Variants in INTS10 observed in about 807,000 individuals in gnomAD.
The protein encoded by INTS10 is chromosome 8 open reading frame 35.
A neutral mutation model predicts 94.4 loss-of-function variants in INTS10; 44 were observed. The observed-to-expected ratio is 0.47, with a 90% CI of 0.37 to 0.60. The LOEUF is 0.60. Ranked by LOEUF, INTS10 falls within the 20% of genes least tolerant of loss-of-function variation. INTS10 has a pLI of 0.00. For synonymous variants in INTS10, 341 were observed against 320.7 expected, an observed-to-expected ratio of 1.06 and a Z score of -0.68; for missense variants, 797 against 868.7, an observed-to-expected ratio of 0.92 and a Z score of 1.04.
In INTS10 at chr8:19,851,713, C is replaced by T; in HGVS notation, c.2041C>T (p.Arg681Cys). The T allele has an allele frequency of 3.1e-6, 5 of 1,613,854 alleles. No homozygotes were observed. Among genetic ancestry groups the T allele is most frequent in the South Asian group, 2.2e-5 (2 of 91,068 alleles). Residue 681 changes from arginine to cysteine, a missense_variant, in exon 17 of 17, where the codon CGC (arginine) becomes TGC (cysteine). Arg to Cys is a radical substitution (Grantham distance 180). Around this residue, in one of 3 missense-constraint regions of INTS10, gnomAD observed 47 missense variants for 41.8 expected, o/e 1.12. Transcript: ENST00000397977. This position sits in a 1 kb window ranked among gnomAD's most constrained non-coding sequence, Gnocchi z 5.0. ...VKEDFRLAME[R>C]QVSRCGENLM... ...GGAGGACTTTCGCCTGGCCATGGAG[C>T]GCCAGGTCTCCCGCTGTGGAGAGAA...
intron 13 of INTS10, among the ~76,000 whole-genome samples, chr8:19,838,839 A>C (rs2067882902): frequency 6.6e-6 from 1 of 152,118 alleles, no homozygotes; most frequent in Admixed American, 6.5e-5. Flanking sequence ...TGGGAGGCCG[A>C]GGCAGGAGGA....
intron 14 of INTS10, 22 bp downstream of exon 14, chr8:19,842,949 T>C: frequency 1.4e-6 from 2 of 1,461,156 alleles, no homozygotes; most frequent in Non-Finnish European, 1.9e-6. Flanking sequence ...GTTGATTAGC[T>C]TGAAAAAAAA....
intron 13 of INTS10, among the ~76,000 whole-genome samples, chr8:19,837,965 A>G (rs2067797166): frequency 6.6e-6 from 1 of 152,244 alleles, no homozygotes; most frequent in Non-Finnish European, 1.5e-5. Flanking sequence ...GGAATACATT[A>G]TGAAAAACTT....
intron 12 of INTS10, among the ~76,000 whole-genome samples, 154 bp from the exon 13 acceptor site, chr8:19,836,898 A>G (rs1304099003): frequency 6.6e-6 from 1 of 152,154 alleles, no homozygotes; most frequent in Non-Finnish European, 1.5e-5. Flanking sequence ...TTCTGTATTC[A>G]CTATTGAGCA....
In INTS10 at chr8:19,826,431, A is replaced by G. The variant is rs1018959796; in HGVS notation, c.1012A>G (p.Asn338Asp). ...GTGTTTTTCCCCGTCCTTAGGTCCT[A>G]ATGCCCCGAGCCAAGTTCCACTGGT... ...SIQPSLFQGP[N>D]APSQVPLVLL... The change falls in exon 9 of 17, where the codon AAT becomes GAT. Residue 338 changes from asparagine to aspartate, a missense_variant. This residue lies in a region of INTS10 where 734 missense variants were observed against 787.8 expected (regional missense o/e 0.93). Coordinates refer to ENST00000397977, the MANE Select transcript of INTS10 (RefSeq NM_018142.4). 3 of 1,609,482 alleles carry G rather than the reference A, an allele frequency of 1.9e-6. No individual in the cohort carries two copies. The highest frequency in any genetic ancestry group is 2.5e-6 in the Non-Finnish European group (3 of 1,178,682).
In INTS10 at chr8:19,849,692, G is replaced by GT. The variant is rs1037113413; in HGVS notation, c.1977-1949dup. ...CTGGTATCTAAATAGGCACTAATGTGTTTTTTTTCCTGCTACTGATGTTTT... is the reference window on the plus strand; with the variant it reads ...CTGGTATCTAAATAGGCACTAATGTGTTTTTTTTTCCTGCTACTGATGTTTT... On this transcript the variant is annotated intron_variant, in intron 16 of 16. Transcript: ENST00000397977. This position sits in a 1 kb window ranked among gnomAD's most constrained non-coding sequence, Gnocchi z 4.6. Among the ~76,000 whole-genome samples the GT allele has an allele frequency of 9.2e-5, 14 of 151,838 alleles. No individual in the cohort carries two copies. The highest frequency in any genetic ancestry group is 2.1e-4 in the South Asian group (1 of 4,810).
At chr8:19,847,789 G>C (rs2068702362) in intron 16 of INTS10, among the ~76,000 whole-genome samples, 1 of 152,194 alleles carries the variant, frequency 6.6e-6, no homozygotes, top group South Asian at 2.1e-4. Context: ...GAGAGCAAGG[G>C]GAGTGTTGGG....
rs537940121 is a variant in INTS10 at position 19,849,336 on chromosome 8, A to G, written c.1977-2313A>G. On this transcript the variant is annotated intron_variant, in intron 16 of 16. Coordinates refer to ENST00000397977, the MANE Select transcript of INTS10 (RefSeq NM_018142.4). This position sits in a 1 kb window ranked among gnomAD's most constrained non-coding sequence, Gnocchi z 4.6. ...TCTTCGTTCCTCAGTGCTCTTTTTCATGCTTTCTTTCTTTTTTAATTTGTT... is the reference window on the plus strand; with the variant it reads ...TCTTCGTTCCTCAGTGCTCTTTTTCGTGCTTTCTTTCTTTTTTAATTTGTT... 5 of 408,250 alleles carry G rather than the reference A, an allele frequency of 1.2e-5. No individual in the cohort carries two copies. The highest frequency in any genetic ancestry group is 9.4e-5 in the South Asian group (4 of 42,528). The allele number at this position is 408,250 out of a possible 1,614,324, so 25.3% of individuals were successfully genotyped here.
Position 19,818,489 on chromosome 8 carries a change from C to T in INTS10, c.197+147C>T, listed in dbSNP as rs372801554. On this transcript the variant is annotated intron_variant, in intron 2 of 16. Coordinates refer to ENST00000397977, the MANE Select transcript of INTS10 (RefSeq NM_018142.4). ...AGCAAACCTAGTAAGGAGTCCAGGC[C>T]TGCCATAAATTGCTGACATGGCTTT... is the stretch of plus-strand genomic sequence containing the variant. 34 of 710,262 alleles carry T rather than the reference C, an allele frequency of 4.8e-5. No individual in the cohort carries two copies. The African/African-American group carries it at 5.4e-4, about 11-fold the overall frequency. The allele number at this position is 710,262 out of a possible 1,614,324, so 44.0% of individuals were successfully genotyped here. A position where few individuals can be genotyped will look rare whatever the true frequency, so the allele number is the denominator to read the frequency against.
intron 10 of INTS10, among the ~76,000 whole-genome samples, chr8:19,830,914 C>T (rs929758661): frequency 6.6e-5 from 10 of 152,136 alleles, no homozygotes; most frequent in Non-Finnish European, 1.0e-4. Flanking sequence ...CCACGTGATC[C>T]GCCCACCTTG....
chr8:19,847,664 A>G (rs1436855033), intron 16 of INTS10, among the ~76,000 whole-genome samples: 1 of 152,236 alleles, frequency 6.6e-6, no homozygotes, highest in Non-Finnish European at 1.5e-5. Context: ...TGGATTGTCA[A>G]AAAATCAACA....
intron 4 of INTS10, 69 bp from the exon 5 acceptor site, chr8:19,822,370 C>G: frequency 4.9e-6 from 4 of 824,126 alleles, no homozygotes; most frequent in Non-Finnish European, 8.0e-6. Context: ...AAAAATACCC[C>G]ATTACTTCAT....
At chr8:19,825,469 T>G (rs528912393) in intron 8 of INTS10, among the ~76,000 whole-genome samples, 52 of 150,638 alleles carry the variant, frequency 3.5e-4, no homozygotes, top group African/African-American at 1.2e-3. Flanking sequence ...GAGGCTGCAG[T>G]GAGCTGAGGT....
intron 4 of INTS10, chr8:19,822,184 A>G (rs2066430848): frequency 3.7e-6 from 1 of 270,512 alleles, no homozygotes; most frequent in Non-Finnish European, 6.9e-6. Context: ...ATTCTTGTTC[A>G]TCGTTAATTA....
rs2067394662 is a variant in INTS10, at chr8:19,833,352, A to G, written c.1530+31A>G. 6 of 1,482,188 alleles carry G rather than the reference A, an allele frequency of 4.0e-6. No homozygotes were observed. In the East Asian group the frequency reaches 1.3e-4, roughly 32 times the overall value. 91.8% of individuals were successfully genotyped at this position (1,482,188 alleles called of 1,614,324 possible). A position where few individuals can be genotyped will look rare whatever the true frequency, so the allele number is the denominator to read the frequency against. On this transcript the variant is annotated intron_variant, in intron 12 of 16. Coordinates refer to ENST00000397977, the MANE Select transcript of INTS10 (RefSeq NM_018142.4). ...TACTGCACACATACATGCCTGCCGC[A>G]GGTGCACGGGGCCACCTGGCCTTTC...
chr8:19,823,990 A>G lies in INTS10; in HGVS notation c.782A>G (p.Lys261Arg), dbSNP rs1411950274. ...GTGGACCCTTGGGAGAGGTTGTTTA[A>G]GATTTTGAATGTTGTTGGAATGAGA... ...QIVDPWERLF[K>R]ILNVVGMRCE... Residue 261 changes from lysine to arginine, a missense_variant, in exon 7 of 17, where the codon AAG becomes AGG. Lys to Arg is a conservative substitution (Grantham distance 26, BLOSUM62 2). Coordinates refer to ENST00000397977, the MANE Select transcript of INTS10 (RefSeq NM_018142.4). 5 of 1,613,644 alleles carry G rather than the reference A, an allele frequency of 3.1e-6. No individual in the cohort carries two copies. The highest frequency in any genetic ancestry group is 2.2e-5 in the East Asian group (1 of 44,878).
At chr8:19,819,497 C>T (rs2066198048) in intron 2 of INTS10, 76 bp from the exon 3 acceptor site, 4 of 1,134,410 alleles carry the variant, frequency 3.5e-6, no homozygotes, top group Middle Eastern at 3.0e-4. Flanking sequence ...ACTTTTTCAC[C>T]AAATGCTAAC....
intron 9 of INTS10, among the ~76,000 whole-genome samples, chr8:19,828,221 AAAAAT>A (rs778238569): frequency 2.4e-4 from 37 of 152,204 alleles, no homozygotes; most frequent in Admixed American, 6.5e-4. Context: ...TAAAAAATAA[AAAAAT>A]AAAATAGAAA....
At chr8:19,834,515 A>C (rs2934) in intron 12 of INTS10, among the ~76,000 whole-genome samples, 75,935 of 151,968 alleles carry the variant, frequency 0.5, 19,172 homozygotes, top group Middle Eastern at 0.66. Context: ...ACATATCTCA[A>C]GTAGAATTAG....
Sources: allele counts gnomAD v4.1 joint callset (sites outside exome capture counted in the v4.1 genomes callset), GRCh38; gene constraint gnomAD v4.1.1; regional missense constraint gnomAD v4.1.1; non-coding constraint Gnocchi (gnomAD v3.1); transcripts MANE v1.5; gene names NCBI Gene and HGNC (gene_info 2026-07-23, HGNC 2026-07-21).